QKI: variants seen among roughly 807,000 people sequenced by gnomAD.
QKI encodes KH domain-containing RNA-binding protein QKI.
In QKI, 10 loss-of-function variants were observed where a neutral mutation model predicts 39.0. The observed-to-expected ratio is 0.26, with a 90% confidence interval of 0.16 to 0.43. The LOEUF (loss-of-function observed/expected upper bound fraction) is 0.43, where lower values mean the gene tolerates loss of function less well. QKI is among the 20% of genes least tolerant of loss of function. The probability of loss-of-function intolerance (pLI) is 1.00; values close to 1 mark genes in which losing one functional copy is unlikely to be tolerated. For synonymous variants in QKI, 204 were observed against 155.4 expected, an observed-to-expected ratio of 1.31 and a Z score of -2.33; for missense variants, 218 against 428.0, an observed-to-expected ratio of 0.51 and a Z score of 4.33.
At chr6:163,459,361 G>A (rs181467662) in intron 2 of QKI, among the ~76,000 whole-genome samples, 6 of 152,266 alleles carry the variant, frequency 3.9e-5, no homozygotes, top group East Asian at 1.9e-4. Flanking sequence ...TTGGGAGAGG[G>A]GGTACTATTG....
rs373375673 is a variant in QKI at position 163,472,211 on chromosome 6, CAATAA to C, written c.286-6563_286-6559del. Reference sequence around the variant, plus strand: ...TACATGTATTAACACTGTATTCTTACAATAAAATAAGCCATTGAGAAGAAAATGTT... The same window carrying C: ...TACATGTATTAACACTGTATTCTTACAATAAGCCATTGAGAAGAAAATGTT... On this transcript the variant is annotated intron_variant, in intron 2 of 7. Transcript: ENST00000361752. Among the ~76,000 whole-genome samples, 679 of 151,934 alleles carry C rather than the reference CAATAA, an allele frequency of 4.5e-3. 7 individuals are homozygous for C. The highest frequency in any genetic ancestry group is 0.015 in the African/African-American group (631 of 41,414).
At chr6:163,499,354 A>G (rs1778605130) in intron 3 of QKI, among the ~76,000 whole-genome samples, 1 of 152,176 alleles carries the variant, frequency 6.6e-6, no homozygotes, top group South Asian at 2.1e-4. Context: ...AGACACAGCA[A>G]GTGAGTTTTT....
At chr6:163,477,230 C>T (rs1004162014) in intron 2 of QKI, among the ~76,000 whole-genome samples, 14 of 151,992 alleles carry the variant, frequency 9.2e-5, no homozygotes, top group South Asian at 2.1e-4. Flanking sequence ...TGGCCAGGCT[C>T]GTCTTGAACG....
At chr6:163,504,971 T>G (rs1373754341) in intron 3 of QKI, among the ~76,000 whole-genome samples, 1 of 152,176 alleles carries the variant, frequency 6.6e-6, no homozygotes, top group Non-Finnish European at 1.5e-5. Flanking sequence ...CTGAAAACCA[T>G]GTTTCCTAAT....
At chr6:163,546,317 A>G (rs2128244893) in intron 4 of QKI, among the ~76,000 whole-genome samples, 2 of 151,938 alleles carry the variant, frequency 1.3e-5, no homozygotes, top group Admixed American at 1.3e-4. Flanking sequence ...TTCCTTATAT[A>G]TAGGCAAAGT....
At chr6:163,481,251 A>ATATG (rs1793055806) in intron 3 of QKI, among the ~76,000 whole-genome samples, 1 of 152,168 alleles carries the variant, frequency 6.6e-6, no homozygotes, top group African/African-American at 2.4e-5. Context: ...ATATATATAT[A>ATATG]TGTGTGTGCG....
chr6:163,498,978 C>T (rs552027709), intron 3 of QKI, among the ~76,000 whole-genome samples: 3 of 152,186 alleles, frequency 2.0e-5, no homozygotes, highest in East Asian at 3.9e-4. Context: ...TTCATGTGCA[C>T]ATAGCCTGAA....
Position 163,571,886 on chromosome 6 carries a change from A to G in QKI, c.*1176A>G, listed in dbSNP as rs1783718916. On this transcript the variant is annotated 3_prime_UTR_variant, in exon 8 of 8. Transcript: ENST00000361752. Reference sequence around the variant, plus strand: ...AAGTGCCTTATTTTCCTTCATGGTCATTCAGTCAAGTGTCTCATAAAGATC... The same window carrying G: ...AAGTGCCTTATTTTCCTTCATGGTCGTTCAGTCAAGTGTCTCATAAAGATC... The G allele has an allele frequency of 6.6e-6, 1 of 152,166 alleles. No individual in the cohort carries two copies. 9.4% of individuals were successfully genotyped at this position (152,166 alleles called of 1,614,324 possible).
At chr6:163,509,892 G>T (rs1384424845) in intron 3 of QKI, among the ~76,000 whole-genome samples, 3 of 152,048 alleles carry the variant, frequency 2.0e-5, no homozygotes, top group African/African-American at 7.2e-5. Flanking sequence ...GAATGAAAGA[G>T]ATTGTCAGAT....
chr6:163,520,881 C>A (rs1441211930), intron 3 of QKI, among the ~76,000 whole-genome samples: 2 of 152,092 alleles, frequency 1.3e-5, no homozygotes, highest in Non-Finnish European at 2.9e-5. Context: ...TTATAGTTCT[C>A]TTGTTAGCCA....
At chr6:163,470,037 A>C (rs775772478) in intron 2 of QKI, among the ~76,000 whole-genome samples, 6 of 152,190 alleles carry the variant, frequency 3.9e-5, no homozygotes, top group Non-Finnish European at 8.8e-5. Flanking sequence ...ATAGGAAAAA[A>C]AATAACTGAA....
At chr6:163,457,403 A>C (rs566057776) in intron 2 of QKI, 1 of 455,846 alleles carries the variant, frequency 2.2e-6, no homozygotes, top group Non-Finnish European at 4.4e-6. Flanking sequence ...GCCACGGTGA[A>C]CTACTATTAC....
At chr6:163,443,736 A>G (rs988798419) in intron 1 of QKI, among the ~76,000 whole-genome samples, 6 of 152,244 alleles carry the variant, frequency 3.9e-5, no homozygotes, top group African/African-American at 7.2e-5. Flanking sequence ...AGGTAAACCT[A>G]TGCTACATGA....
intron 3 of QKI, among the ~76,000 whole-genome samples, chr6:163,500,079 G>A: frequency 6.6e-6 from 1 of 152,158 alleles, no homozygotes; most frequent in East Asian, 1.9e-4. Context: ...GCTCTCAGTT[G>A]TGAATGTGAT....
At chr6:163,561,905 A>C (rs1178637780) in intron 4 of QKI, 77 bp from the exon 5 acceptor site, 8 of 1,124,742 alleles carry the variant, frequency 7.1e-6, no homozygotes, top group Admixed American at 2.2e-5. Flanking sequence ...ACTTACTTTA[A>C]GGCTTGTGTG....
chr6:163,503,542 C>T (rs1239492734), intron 3 of QKI, among the ~76,000 whole-genome samples: 1 of 151,808 alleles, frequency 6.6e-6, no homozygotes, highest in Non-Finnish European at 1.5e-5. Context: ...CTGATAGTTT[C>T]TTTTGCTGTG....
intron 4 of QKI, among the ~76,000 whole-genome samples, chr6:163,536,413 A>T (rs1304895784): frequency 6.6e-6 from 1 of 152,170 alleles, no homozygotes; most frequent in African/African-American, 2.4e-5. Context: ...GGTATATAAC[A>T]TATAAAACAT....
rs564041890 is a variant in QKI, at chr6:163,572,926, C to G, written c.*2216C>G. ...AGTTTTGATTTATTTACAATATATG[C>G]TGTGCCATTTTGATTTTTATATTGT... On this transcript the variant is annotated 3_prime_UTR_variant, in exon 8 of 8. Coordinates refer to ENST00000361752, the MANE Select transcript of QKI (RefSeq NM_006775.3). The G allele has an allele frequency of 6.6e-6, 1 of 152,120 alleles. No individual in the cohort carries two copies. Among genetic ancestry groups the G allele is most frequent in the South Asian group, 2.1e-4 (1 of 4,824 alleles). 9.4% of individuals were successfully genotyped at this position (152,120 alleles called of 1,614,324 possible). A position where few individuals can be genotyped will look rare whatever the true frequency, so the allele number is the denominator to read the frequency against.
intron 7 of QKI, chr6:163,569,684 C>G: frequency 1.0e-6 from 1 of 995,930 alleles, no homozygotes; most frequent in South Asian, 4.1e-5. Flanking sequence ...TGTTATTTTG[C>G]AAAAGAAAAT....
Sources: allele counts gnomAD v4.1 joint callset (sites outside exome capture counted in the v4.1 genomes callset), GRCh38; gene constraint gnomAD v4.1.1; transcripts MANE v1.5; gene names NCBI Gene and HGNC (gene_info 2026-07-23, HGNC 2026-07-21).